The following CYP7B1 variants were observed in gnomAD, a reference collection of about 807,000 sequenced individuals.
The protein encoded by CYP7B1 is cytochrome P450 family 7 subfamily B member 1, also known as cytochrome P450 7B1.
Under a neutral mutation model 42.7 loss-of-function variants are expected in CYP7B1, and 29 were observed. The ratio of observed to expected loss-of-function variants is 0.68; its 90% CI spans 0.51 to 0.93. CYP7B1 has a LOEUF of 0.93. Among genes scored for constraint, CYP7B1 ranks in the 40% least tolerant of loss-of-function variants. The pLI is 0.00. For synonymous variants in CYP7B1, 235 were observed against 218.2 expected, an observed-to-expected ratio of 1.08 and a Z score of -0.68; for missense variants, 655 against 600.5, an observed-to-expected ratio of 1.09 and a Z score of -0.95.
At chr8:64,770,797 C>A (rs1198419412) in intron 1 of CYP7B1, among the ~76,000 whole-genome samples, 1 of 152,128 alleles carries the variant, frequency 6.6e-6, no homozygotes, top group Non-Finnish European at 1.5e-5. Context: ...GCTATAAAAT[C>A]TATCCAGGGG....
chr8:64,791,288 T>C (rs934304539), intron 1 of CYP7B1, among the ~76,000 whole-genome samples: 2 of 152,156 alleles, frequency 1.3e-5, no homozygotes, highest in South Asian at 4.1e-4. Flanking sequence ...TCAAAAGGTA[T>C]GGTAGGGAGA....
At chr8:64,733,593 C>T (rs915235558) in intron 1 of CYP7B1, among the ~76,000 whole-genome samples, 4 of 152,134 alleles carry the variant, frequency 2.6e-5, no homozygotes, top group African/African-American at 7.2e-5. Context: ...ACCTAGAAAG[C>T]CAGCCTTTGT....
chr8:64,673,245 GT>G (rs1157566903), intron 1 of CYP7B1, among the ~76,000 whole-genome samples: 1 of 151,980 alleles, frequency 6.6e-6, no homozygotes. Context: ...TGTATACTCC[GT>G]TTTTTTCTAA....
intron 1 of CYP7B1, among the ~76,000 whole-genome samples, chr8:64,768,490 G>A (rs1032678490): frequency 2.6e-5 from 4 of 152,034 alleles, no homozygotes; most frequent in Non-Finnish European, 5.9e-5. Flanking sequence ...ATAATGTTCT[G>A]AGAGGCTGCT....
chr8:64,738,492 T>C (rs981401166), intron 1 of CYP7B1, among the ~76,000 whole-genome samples: 2 of 152,120 alleles, frequency 1.3e-5, no homozygotes, highest in Non-Finnish European at 2.9e-5. Context: ...TAAAAGAAAC[T>C]GTTTTCTCCC....
chr8:64,596,895 T>C lies in CYP7B1; in HGVS notation c.1268A>G (p.Lys423Arg). 6.2e-7 allele frequency: 1 copy of C among 1,613,120 alleles called. No homozygotes were observed. Among genetic ancestry groups the C allele is most frequent in the Admixed American group, 1.7e-5 (1 of 59,976 alleles). ...TCTTTTGAAAAAGGTGGTTTTCTTC[T>C]TACCATCTTCTATAAAACGATCATA... ...FRYDRFIEDG[K>R]KKTTFFKRGK... Residue 423 changes from lysine (K) to arginine (R), a missense_variant, in exon 6 of 6, where the codon AAG becomes AGG. Coordinates refer to ENST00000310193, the MANE Select transcript of CYP7B1 (RefSeq NM_004820.5).
chr8:64,765,501 A>G (rs1175228494), intron 1 of CYP7B1, among the ~76,000 whole-genome samples: 1 of 152,202 alleles, frequency 6.6e-6, no homozygotes, highest in Non-Finnish European at 1.5e-5. Context: ...CTCACCCCTG[A>G]GCACAAAGGC....
At chr8:64,765,320 T>G (rs919950599) in intron 1 of CYP7B1, among the ~76,000 whole-genome samples, 6 of 152,178 alleles carry the variant, frequency 3.9e-5, no homozygotes, top group Non-Finnish European at 7.3e-5. Flanking sequence ...AAGTTCACAT[T>G]GGAAAAAAAT....
intron 1 of CYP7B1, among the ~76,000 whole-genome samples, chr8:64,787,589 C>G (rs1290358053): frequency 6.6e-6 from 1 of 152,168 alleles, no homozygotes; most frequent in Non-Finnish European, 1.5e-5. Context: ...CAAAGCCCTC[C>G]AAGTCTCTAA....
chr8:64,689,529 C>T (rs1240052119), intron 1 of CYP7B1, among the ~76,000 whole-genome samples: 1 of 151,990 alleles, frequency 6.6e-6, no homozygotes, highest in Admixed American at 6.6e-5. Context: ...TTATATGCAA[C>T]TTTTAACTGG....
chr8:64,692,858 C>T (rs1265366397), intron 1 of CYP7B1, among the ~76,000 whole-genome samples: 2 of 152,178 alleles, frequency 1.3e-5, no homozygotes, highest in Admixed American at 6.5e-5. Context: ...CCAAACTGTT[C>T]TCGAGCCACA....
chr8:64,626,052 G>A (rs1160505078), intron 1 of CYP7B1, among the ~76,000 whole-genome samples: 1 of 152,050 alleles, frequency 6.6e-6, no homozygotes, highest in Non-Finnish European at 1.5e-5. Context: ...ATTTATCACC[G>A]AGTTTAGAAC....
At chr8:64,751,294 TAC>T (rs1421278318) in intron 1 of CYP7B1, among the ~76,000 whole-genome samples, 2 of 152,154 alleles carry the variant, frequency 1.3e-5, no homozygotes, top group Non-Finnish European at 2.9e-5. Context: ...CATACAGACA[TAC>T]AGAGTCTTAT....
intron 1 of CYP7B1, among the ~76,000 whole-genome samples, chr8:64,722,567 T>TA (rs1473048047): frequency 4.6e-5 from 7 of 152,086 alleles, no homozygotes; most frequent in Non-Finnish European, 1.5e-5. Context: ...AAAAATGAGA[T>TA]AACACAGTAG....
chr8:64,703,309 G>T (rs1272484968), intron 1 of CYP7B1, among the ~76,000 whole-genome samples: 1 of 151,884 alleles, frequency 6.6e-6, no homozygotes, highest in African/African-American at 2.4e-5. Context: ...AAATTATCTT[G>T]ATTTGCTTGA....
intron 1 of CYP7B1, among the ~76,000 whole-genome samples, chr8:64,748,674 G>A (rs561739056): frequency 7.9e-5 from 12 of 152,058 alleles, no homozygotes; most frequent in South Asian, 2.1e-4. Context: ...TATTGACTAC[G>A]CCTGTTCTCA....
intron 1 of CYP7B1, among the ~76,000 whole-genome samples, chr8:64,667,967 C>T (rs1044405211): frequency 1.3e-5 from 2 of 152,192 alleles, no homozygotes; most frequent in Non-Finnish European, 1.5e-5. Context: ...ATCAAATTCT[C>T]TGTACAACTC....
chr8:64,589,058 A>G (rs1202471952), downstream of CYP7B1, among the ~76,000 whole-genome samples: 4 of 152,226 alleles, frequency 2.6e-5, no homozygotes, highest in Admixed American at 1.3e-4. Flanking sequence ...TTATTCAACA[A>G]AGTAAGCTCC....
At chr8:64,797,524 G>T (rs1460086711) in intron 1 of CYP7B1, among the ~76,000 whole-genome samples, 2 of 152,046 alleles carry the variant, frequency 1.3e-5, no homozygotes, top group African/African-American at 4.8e-5. Flanking sequence ...TGGGAAGAAA[G>T]GCAAATACTC....
Sources: gnomAD v4.1 joint callset for allele counts (sites outside exome capture counted in the v4.1 genomes callset) on GRCh38, gnomAD v4.1.1 for gene constraint, MANE v1.5 for transcripts, NCBI Gene and HGNC (gene_info 2026-07-23, HGNC 2026-07-21) for gene names.